The following ZCCHC8 variants were observed in gnomAD, a reference collection of about 807,000 sequenced individuals.
ZCCHC8 encodes zinc finger CCHC domain-containing protein 8.
Under a neutral mutation model 70.6 loss-of-function variants are expected in ZCCHC8, and 27 were observed. That is an observed-to-expected ratio of 0.38 (90% CI 0.28 to 0.53). The LOEUF is 0.53. ZCCHC8 is among the 20% of genes least tolerant of loss of function. The pLI, the probability that ZCCHC8 is intolerant of heterozygous loss-of-function variation, is 0.81. For synonymous variants in ZCCHC8, 293 were observed against 317.4 expected, an observed-to-expected ratio of 0.92 and a Z score of 0.82; for missense variants, 737 against 876.9, an observed-to-expected ratio of 0.84 and a Z score of 2.01.
chr12:122,475,530 T>C (rs941340382), intron 13 of ZCCHC8, among the ~76,000 whole-genome samples: 1 of 152,238 alleles, frequency 6.6e-6, no homozygotes, highest in Non-Finnish European at 1.5e-5. Context: ...GTGGATCTGC[T>C]TGTCCTCTGA....
intron 10 of ZCCHC8, chr12:122,480,524 T>C: frequency 2.6e-6 from 1 of 389,614 alleles, no homozygotes; most frequent in Non-Finnish European, 4.5e-6. Context: ...CAGGCTGGAG[T>C]GCAGTGGCAC....
chr12:122,493,817 G>A (rs978739434), intron 2 of ZCCHC8, among the ~76,000 whole-genome samples: 8 of 152,076 alleles, frequency 5.3e-5, no homozygotes, highest in African/African-American at 1.7e-4. Context: ...GTTTCACCAC[G>A]TTAGCTAGGA....
chr12:122,498,075 T>A (rs933674848), intron 2 of ZCCHC8, among the ~76,000 whole-genome samples: 2 of 152,000 alleles, frequency 1.3e-5, no homozygotes, highest in African/African-American at 4.8e-5. Context: ...CTTTTTCTTC[T>A]AAAATGCTGA....
In ZCCHC8 at chr12:122,482,928, T is replaced by C. The variant is rs898902012; in HGVS notation, c.672-233A>G. 8 of 524,896 alleles carry C rather than the reference T, an allele frequency of 1.5e-5. No individual in the cohort carries two copies. In the African/African-American group the frequency reaches 1.5e-4, roughly 10 times the overall value. 32.5% of individuals were successfully genotyped at this position (524,896 alleles called of 1,614,324 possible). On this transcript the variant is annotated intron_variant, in intron 7 of 13. Transcript: ENST00000633063. ...TTCTGTTCCTGACTGATCTGTTACC[T>C]CTTTTGAGTTTTTTCAGTGGTTAAC... is the stretch of plus-strand genomic sequence containing the variant.
At chr12:122,478,530 G>A (rs1444720705) in intron 11 of ZCCHC8, 1 of 423,208 alleles carries the variant, frequency 2.4e-6, no homozygotes, top group Non-Finnish European at 4.3e-6. Flanking sequence ...GCCAAAAAAG[G>A]TTCTACATAC....
chr12:122,489,338 T>C (rs1012022573), intron 5 of ZCCHC8, 48 bp downstream of exon 5: 53 of 1,572,248 alleles, frequency 3.4e-5, no homozygotes, highest in Non-Finnish European at 4.4e-5. Context: ...TGACATAGGA[T>C]AGGAAACACC....
intron 11 of ZCCHC8, among the ~76,000 whole-genome samples, chr12:122,479,579 C>A (rs1424729201): frequency 6.6e-6 from 1 of 152,032 alleles, no homozygotes; most frequent in Non-Finnish European, 1.5e-5. Context: ...ACTTATTTCC[C>A]AAGTTAATTC....
In ZCCHC8 at chr12:122,500,558, T is replaced by TCGCCCGGCGCTGCCCCGGCCCCA; in HGVS notation, c.199+61_199+83dup. The TCGCCCGGCGCTGCCCCGGCCCCA allele has an allele frequency of 7.0e-7, 1 of 1,433,736 alleles. No individual in the cohort carries two copies. The highest frequency in any genetic ancestry group is 9.2e-7 in the Non-Finnish European group (1 of 1,089,210). 88.8% of individuals were successfully genotyped at this position (1,433,736 alleles called of 1,614,324 possible). On this transcript the variant is annotated intron_variant, in intron 1 of 13. Coordinates refer to ENST00000633063, the MANE Select transcript of ZCCHC8 (RefSeq NM_017612.5). The surrounding 1 kb of genome is among the most constrained non-coding windows in gnomAD (Gnocchi z 4.8). ...GGAACTTCCGCCCGCGCCCTCGCCC[T>TCGCCCGGCGCTGCCCCGGCCCCA]CGCCCGGCGCTGCCCCGGCCCCACG... is the stretch of plus-strand genomic sequence containing the variant.
Position 122,500,796 on chromosome 12 carries a change from C to T in ZCCHC8, c.45G>A (p.Pro15=), listed in dbSNP as rs769021220. ...VYFGDLELFE[P]FDHPEESIPK... is the part of the protein sequence containing the mutation. ...GAATCGACTCCTCTGGGTGGTCGAA[C>T]GGCTCGAAGAGCTCTAGATCGCCAA... The change falls in exon 1 of 14, where the codon CCG becomes CCA. Residue 15 remains proline (P), a synonymous_variant. Transcript: ENST00000633063. The surrounding 1 kb of genome is among the most constrained non-coding windows in gnomAD (Gnocchi z 4.8). The T allele has an allele frequency of 6.3e-7, 1 of 1,584,210 alleles. No individual in the cohort carries two copies. The highest frequency in any genetic ancestry group is 2.3e-5 in the East Asian group (1 of 43,106).
At chr12:122,498,123 T>C (rs978918085) in intron 2 of ZCCHC8, among the ~76,000 whole-genome samples, 2 of 152,114 alleles carry the variant, frequency 1.3e-5, no homozygotes, top group African/African-American at 4.8e-5. Context: ...ATTTTAACTA[T>C]GTAAATAAAT....
In ZCCHC8 at chr12:122,478,290, T is replaced by A; in HGVS notation, c.1143A>T (p.Glu381Asp). The A allele has an allele frequency of 6.3e-7, 1 of 1,579,094 alleles. No individual in the cohort carries two copies. The highest frequency in any genetic ancestry group is 8.6e-7 in the Non-Finnish European group (1 of 1,164,144). The change falls in exon 12 of 14, where the codon GAA becomes GAT. Residue 381 changes from glutamate to aspartate, a missense_variant and splice_region_variant. By Grantham distance (45) the Glu-to-Asp change is conservative. Transcript: ENST00000633063. ...TTGGTATGGAACCAAAGATCCTCCA[T>A]TCCTAATGATGAAAAGAGAAGGAAA... ...NISTPRGIPD[E>D]WRIFGSIPMQ...
At chr12:122,498,773 A>G in intron 2 of ZCCHC8, 54 bp downstream of exon 2, 1 of 1,514,016 alleles carries the variant, frequency 6.6e-7, no homozygotes, top group Non-Finnish European at 9.2e-7. Context: ...TTAAATATTA[A>G]TATCAGGATA....
rs1957570952 is a variant in ZCCHC8 at position 122,483,259 on chromosome 12, A to G, written c.671+20T>C. 1.9e-6 allele frequency: 3 copies of G among 1,574,828 alleles called. No homozygotes were observed. The highest frequency in any genetic ancestry group is 2.3e-5 in the East Asian group (1 of 43,548). On this transcript the variant is annotated intron_variant, in intron 7 of 13. Coordinates refer to ENST00000633063, the MANE Select transcript of ZCCHC8 (RefSeq NM_017612.5). This position sits in a 1 kb window ranked among gnomAD's most constrained non-coding sequence, Gnocchi z 4.4. ...GTTAAAAAAGTAAATAAGTAAAACA[A>G]AACAACTCCCCACACAAACCTTTTT...
chr12:122,479,880 G>T (rs1404932260), intron 11 of ZCCHC8, among the ~76,000 whole-genome samples: 1 of 152,128 alleles, frequency 6.6e-6, no homozygotes, highest in Non-Finnish European at 1.5e-5. Flanking sequence ...TTGAGACAGG[G>T]TCTAGTGTGA....
intron 5 of ZCCHC8, among the ~76,000 whole-genome samples, chr12:122,486,676 T>A (rs1039605830): frequency 6.6e-6 from 1 of 151,854 alleles, no homozygotes; most frequent in Non-Finnish European, 1.5e-5. Flanking sequence ...TTCTAGCGAT[T>A]CTCCTGCCTC....
chr12:122,494,891 T>C (rs1250999294), intron 2 of ZCCHC8, among the ~76,000 whole-genome samples: 1 of 152,224 alleles, frequency 6.6e-6, no homozygotes, highest in African/African-American at 2.4e-5. Flanking sequence ...TGCAGCTGCA[T>C]GGTTCCTAAA....
chr12:122,492,581 T>G, intron 3 of ZCCHC8, 134 bp downstream of exon 3: 1 of 654,266 alleles, frequency 1.5e-6, no homozygotes, highest in South Asian at 1.9e-5. Flanking sequence ...TCATGATTCC[T>G]TGTACTTTAA....
Position 122,500,380 on chromosome 12 carries a change from C to T in ZCCHC8, c.199+262G>A, listed in dbSNP as rs1004590954. On this transcript the variant is annotated intron_variant, in intron 1 of 13. Transcript: ENST00000633063. This position sits in a 1 kb window ranked among gnomAD's most constrained non-coding sequence, Gnocchi z 4.8. ...GTGAGCAGCCTAAAATAACCCTAAA[C>T]ACGGCACCCGGGTGGGAGGCAGGAG... The T allele has an allele frequency of 2.9e-5, 15 of 514,974 alleles. No individual in the cohort carries two copies. Among genetic ancestry groups the T allele is most frequent in the Non-Finnish European group, 4.8e-5 (14 of 288,756 alleles). The allele number at this position is 514,974 out of a possible 1,614,324, so 31.9% of individuals were successfully genotyped here. A position where few individuals can be genotyped will look rare whatever the true frequency, so the allele number is the denominator to read the frequency against.
chr12:122,478,324 ACATGTATTTGG>A, intron 11 of ZCCHC8, 32 bp from the exon 12 acceptor site: 1 of 1,406,302 alleles, frequency 7.1e-7, no homozygotes, highest in Non-Finnish European at 9.8e-7. Context: ...AAAAAAAAAC[ACATGTATTTGG>A]AAAATGTCAT....
Sources: gnomAD v4.1 joint callset for allele counts (sites outside exome capture counted in the v4.1 genomes callset) on GRCh38, gnomAD v4.1.1 for gene constraint, Gnocchi (gnomAD v3.1) non-coding constraint, MANE v1.5 for transcripts, NCBI Gene and HGNC (gene_info 2026-07-23, HGNC 2026-07-21) for gene names.